CDYL: variants seen among roughly 807,000 people sequenced by gnomAD.
CDYL encodes chromodomain Y-like protein.
CDYL carries 8 observed loss-of-function variants against 47.3 expected under a neutral mutation model. The observed-to-expected ratio is 0.17, with a 90% confidence interval of 0.10 to 0.31. CDYL has a LOEUF of 0.31. Among genes scored for constraint, CDYL ranks in the 10% least tolerant of loss-of-function variants. CDYL has a pLI of 1.00. For synonymous variants in CDYL, 266 were observed against 265.0 expected (o/e 1.00, Z -0.04); for missense variants, 471 against 701.4 (o/e 0.67, Z 3.71).
intron 1 of CDYL, among the ~76,000 whole-genome samples, chr6:4,802,675 C>T (rs987996544): frequency 1.3e-5 from 2 of 152,098 alleles, no homozygotes; most frequent in South Asian, 4.1e-4. Context: ...GTTTCATGAG[C>T]GTGTCTTTCT....
chr6:4,827,114 A>G (rs1344335880), intron 1 of CDYL, among the ~76,000 whole-genome samples: 2 of 152,088 alleles, frequency 1.3e-5, no homozygotes, highest in Non-Finnish European at 2.9e-5. Flanking sequence ...TAGTGTAGCC[A>G]CCTCCAGCTT....
intron 1 of CDYL, among the ~76,000 whole-genome samples, chr6:4,867,894 A>G (rs1761366017): frequency 2.0e-5 from 3 of 151,628 alleles, no homozygotes; most frequent in Non-Finnish European, 4.4e-5. Context: ...GTTTGTTGAC[A>G]TAGAGTTATT....
At chr6:4,749,172 A>G (rs115922347) in intron 3 of CDYL, among the ~76,000 whole-genome samples, 34 of 152,382 alleles carry the variant, frequency 2.2e-4, no homozygotes, top group African/African-American at 7.5e-4. Flanking sequence ...GTCAATAAAC[A>G]TTTCATTGTG....
intron 1 of CDYL, among the ~76,000 whole-genome samples, chr6:4,796,423 A>G (rs549536053): frequency 7.2e-5 from 11 of 152,286 alleles, no homozygotes; most frequent in South Asian, 2.1e-4. Context: ...GGGTTCATAT[A>G]TGTACATATA....
In CDYL at chr6:4,875,106, G is replaced by T. The variant is rs962953143; in HGVS notation, c.25-16607G>T. Among the ~76,000 whole-genome samples, 4 of 152,134 alleles carry T rather than the reference G, an allele frequency of 2.6e-5. 1 individual carries two copies. The highest frequency in any genetic ancestry group is 5.9e-5 in the Non-Finnish European group (4 of 68,028). On this transcript the variant is annotated intron_variant, in intron 1 of 6. Coordinates refer to ENST00000397588, the MANE Select transcript of CDYL (RefSeq NM_004824.4). ...GTGTGTGTTTAAGAAGCTCCACATG[G>T]TTTTCCAGGGGAGTTGTGCCACTCT...
intron 5 of CDYL, among the ~76,000 whole-genome samples, chr6:4,947,685 A>G (rs139491182): frequency 0.014 from 2,172 of 152,216 alleles, 28 homozygotes; most frequent in South Asian, 0.063. Context: ...CCTCGTCACA[A>G]GGTGGTTTCT....
intron 3 of CDYL, among the ~76,000 whole-genome samples, chr6:4,756,961 G>C (rs1355406414): frequency 6.6e-6 from 1 of 152,130 alleles, no homozygotes; most frequent in Non-Finnish European, 1.5e-5. Flanking sequence ...CATGTATACT[G>C]AAAAGCAAAA....
chr6:4,794,010 G>A (rs969350166), intron 1 of CDYL, among the ~76,000 whole-genome samples: 2 of 152,110 alleles, frequency 1.3e-5, no homozygotes, highest in African/African-American at 4.8e-5. Context: ...GGAGCGGCTG[G>A]GCAGCTGTGA....
At chr6:4,793,349 T>G (rs1420234652) in intron 1 of CDYL, among the ~76,000 whole-genome samples, 1 of 152,130 alleles carries the variant, frequency 6.6e-6, no homozygotes, top group African/African-American at 2.4e-5. Context: ...TGCTAGTGGC[T>G]GGTGGGGGTG....
At chr6:4,929,521 CACACATACAT>C (rs1310042796) in intron 2 of CDYL, among the ~76,000 whole-genome samples, 1 of 148,442 alleles carries the variant, frequency 6.7e-6, no homozygotes, top group African/African-American at 2.6e-5. Flanking sequence ...CACACACACA[CACACATACAT>C]ACACACCCCT....
chr6:4,720,883 T>TAGCTGTTAATA (rs1471064801), intron 2 of CDYL, among the ~76,000 whole-genome samples: 1 of 152,212 alleles, frequency 6.6e-6, no homozygotes, highest in Non-Finnish European at 1.5e-5. Flanking sequence ...AGCAGTATGA[T>TAGCTGTTAATA]AGCTGTTAAT....
intron 2 of CDYL, among the ~76,000 whole-genome samples, chr6:4,898,436 G>T (rs1170730005): frequency 6.6e-6 from 1 of 152,180 alleles, no homozygotes; most frequent in Non-Finnish European, 1.5e-5. Flanking sequence ...CTGTATAGTG[G>T]GTCCATGCTA....
At chr6:4,910,615 C>T (rs566844377) in intron 2 of CDYL, among the ~76,000 whole-genome samples, 1 of 152,292 alleles carries the variant, frequency 6.6e-6, no homozygotes, top group South Asian at 2.1e-4. Context: ...AGCTGAGCAA[C>T]TTAAGAGACT....
intron 1 of CDYL, among the ~76,000 whole-genome samples, chr6:4,796,226 C>A (rs1179256997): frequency 1.3e-5 from 2 of 152,154 alleles, no homozygotes; most frequent in Non-Finnish European, 2.9e-5. Context: ...AGCCACTGCG[C>A]CTGGCCCACT....
At chr6:4,866,086 T>C (rs567846703) in intron 1 of CDYL, among the ~76,000 whole-genome samples, 1 of 152,328 alleles carries the variant, frequency 6.6e-6, no homozygotes, top group Non-Finnish European at 1.5e-5. Context: ...GATTAGAAAC[T>C]GAATTTCTAA....
chr6:4,839,841 G>T (rs1418145375), intron 1 of CDYL, among the ~76,000 whole-genome samples: 1 of 152,138 alleles, frequency 6.6e-6, no homozygotes, highest in Non-Finnish European at 1.5e-5. Flanking sequence ...ATAGTTTGAA[G>T]TTGGGTAATG....
chr6:4,872,691 A>G (rs955464288), intron 1 of CDYL, among the ~76,000 whole-genome samples: 9 of 152,190 alleles, frequency 5.9e-5, no homozygotes, highest in African/African-American at 1.9e-4. Flanking sequence ...CAAAGTTTTT[A>G]TAATTTAAGA....
intron 2 of CDYL, among the ~76,000 whole-genome samples, chr6:4,917,665 T>C (rs555163354): frequency 6.6e-6 from 1 of 152,246 alleles, no homozygotes; most frequent in South Asian, 2.1e-4. Flanking sequence ...ACTGAGAAAT[T>C]GATAGAAATG....
Position 4,734,980 on chromosome 6 carries a change from G to A in CDYL, c.186+136G>A, listed in dbSNP as rs1056833669. On this transcript the variant is annotated intron_variant, in intron 3 of 8. Coordinates refer to the CDYL transcript ENST00000328908. ...GTCCCTTTGGTGGTCTGGTGAAGCTGTGGACTCCTTAGAATGATGTTTTTG... is the reference window on the plus strand; with the variant it reads ...GTCCCTTTGGTGGTCTGGTGAAGCTATGGACTCCTTAGAATGATGTTTTTG... 5 of 1,413,628 alleles carry A rather than the reference G, an allele frequency of 3.5e-6. No individual in the cohort carries two copies. In the African/African-American group the frequency reaches 7.2e-5, roughly 20 times the overall value. The allele number at this position is 1,413,628 out of a possible 1,614,324, so 87.6% of individuals were successfully genotyped here. A position where few individuals can be genotyped will look rare whatever the true frequency, so the allele number is the denominator to read the frequency against.
Sources: allele counts gnomAD v4.1 joint callset (sites outside exome capture counted in the v4.1 genomes callset), GRCh38; gene constraint gnomAD v4.1.1; transcripts MANE v1.5; gene names NCBI Gene and HGNC (gene_info 2026-07-23, HGNC 2026-07-21).